The following DCLK3 variants were observed in gnomAD, a reference collection of about 807,000 sequenced individuals.
DCLK3 encodes the protein doublecortin like kinase 3, also known as serine/threonine-protein kinase DCLK3.
A neutral mutation model predicts 46.4 loss-of-function variants in DCLK3; 30 were observed. That is an observed-to-expected ratio of 0.65 (90% CI 0.48 to 0.88). The LOEUF (loss-of-function observed/expected upper bound fraction) is 0.88, where lower values mean the gene tolerates loss of function less well. DCLK3 is among the 40% of genes least tolerant of loss of function. The pLI, the probability that DCLK3 is intolerant of heterozygous loss-of-function variation, is 0.00. For synonymous variants in DCLK3, 401 were observed against 339.2 expected (o/e 1.18, Z -2.00); for missense variants, 846 against 907.1 (o/e 0.93, Z 0.87).
chr3:36,718,579 A>C (rs1329135487), intron 3 of DCLK3, among the ~76,000 whole-genome samples: 1 of 152,256 alleles, frequency 6.6e-6, no homozygotes, highest in Non-Finnish European at 1.5e-5. Context: ...AGTGAGTCAC[A>C]TGTGGCATGA....
chr3:36,719,720 T>G (rs192183939), intron 3 of DCLK3, among the ~76,000 whole-genome samples: 3 of 152,306 alleles, frequency 2.0e-5, no homozygotes, highest in Admixed American at 2.0e-4. Flanking sequence ...CTTCACCTCC[T>G]TGCCAAGTGG....
At position 36,713,459 on chromosome 3, in the gene DCLK3, G is replaced by C. The variant is rs142477074; in HGVS notation, c.*1869C>G. On this transcript the variant is annotated 3_prime_UTR_variant, in exon 5 of 5. Transcript: ENST00000636136. ...GAATCCAGCTTCCAGCCTCTTTCAC[G>C]TGTTCAGAATGAGTCCCATTACACT... 6.6e-6 allele frequency: 1 copy of C among 152,156 alleles called. No homozygotes were observed. The highest frequency in any genetic ancestry group is 1.5e-5 in the Non-Finnish European group (1 of 68,030). The allele number at this position is 152,156 out of a possible 1,614,324, so 9.4% of individuals were successfully genotyped here. A position where few individuals can be genotyped will look rare whatever the true frequency, so the allele number is the denominator to read the frequency against.
chr3:36,716,423 A>G lies in DCLK3; in HGVS notation c.2261-902T>C, dbSNP rs114306222. 4.8e-3 allele frequency among the ~76,000 whole-genome samples: 735 copies of G among 152,116 alleles called. 6 individuals carry two copies. Among genetic ancestry groups the G allele is most frequent in the African/African-American group, 0.017 (698 of 41,492 alleles). ...GCCCAGATTCCTCCTACACCACCCA[A>G]TTCAAGCTGGGAAAATTCTGCCCCA... On this transcript the variant is annotated intron_variant, in intron 4 of 4. Coordinates refer to ENST00000636136, the MANE Select transcript of DCLK3 (RefSeq NM_001394672.2).
At chr3:36,729,320 C>G (rs1036307207) in intron 2 of DCLK3, among the ~76,000 whole-genome samples, 27 of 151,028 alleles carry the variant, frequency 1.8e-4, no homozygotes, top group African/African-American at 6.6e-4. Context: ...CCCTGTATCT[C>G]TTTTGCAGCC....
In DCLK3 at chr3:36,737,234, G is replaced by A. The variant is rs373553939; in HGVS notation, c.1933C>T (p.Arg645Trp). The change falls in exon 2 of 5, where the codon CGG (arginine) becomes TGG (tryptophan). Residue 645 changes from arginine (R) to tryptophan (W), a missense_variant. Physicochemically the swap from Arg to Trp is moderately radical, Grantham distance 101. Transcript: ENST00000636136. This position sits in a 1 kb window ranked among gnomAD's most constrained non-coding sequence, Gnocchi z 4.4. ...VHMHDKSIVH[R>W]DLKPENLLVQ... ...AAAAGGTTTTCCGGCTTGAGGTCCC[G>A]GTGGACAATGCTCTTGTCGTGCATG... 5.6e-6 allele frequency: 9 copies of A among 1,613,454 alleles called. No individual in the cohort carries two copies. Among genetic ancestry groups the A allele is most frequent in the African/African-American group, 1.3e-5 (1 of 74,858 alleles).
intron 1 of DCLK3, among the ~76,000 whole-genome samples, chr3:36,763,329 C>A (rs543495733): frequency 6.6e-6 from 1 of 152,232 alleles, no homozygotes; most frequent in Non-Finnish European, 1.5e-5. Flanking sequence ...ACACTTCCCC[C>A]CTCCCAGCAG....
At position 36,714,602 on chromosome 3, in the gene DCLK3, T is replaced by G. The variant is rs898248009; in HGVS notation, c.*726A>C. ...CACGGTCACAGCCTGAGCGCCTGACTTCACATAGAAATGACTCAGGCTCAG... is the reference window on the plus strand; with the variant it reads ...CACGGTCACAGCCTGAGCGCCTGACGTCACATAGAAATGACTCAGGCTCAG... On this transcript the variant is annotated 3_prime_UTR_variant, in exon 5 of 5. Coordinates refer to ENST00000636136, the MANE Select transcript of DCLK3 (RefSeq NM_001394672.2). The G allele has an allele frequency of 6.6e-6, 1 of 152,218 alleles. No homozygotes were observed. The highest frequency in any genetic ancestry group is 1.5e-5 in the Non-Finnish European group (1 of 68,042). The allele number at this position is 152,218 out of a possible 1,614,324, so 9.4% of individuals were successfully genotyped here.
rs1394108470 is a variant in DCLK3, at chr3:36,741,591, G to A, written c.83-2507C>T. 2.6e-5 allele frequency among the ~76,000 whole-genome samples: 4 copies of A among 152,200 alleles called. No individual in the cohort carries two copies. In the East Asian group the frequency reaches 7.7e-4, roughly 29 times the overall value. On this transcript the variant is annotated intron_variant, in intron 1 of 4. Transcript: ENST00000636136. ...AGAGTGCTAGGAAGACAAGATTTGAGTTGGGTTTTCAACACCTAATGAGGT... is the reference window on the plus strand; with the variant it reads ...AGAGTGCTAGGAAGACAAGATTTGAATTGGGTTTTCAACACCTAATGAGGT...
chr3:36,724,733 A>G (rs1012918079), intron 2 of DCLK3, among the ~76,000 whole-genome samples: 2 of 152,172 alleles, frequency 1.3e-5, no homozygotes, highest in African/African-American at 4.8e-5. Context: ...ATGTGGAACC[A>G]TAAGTCTATT....
chr3:36,764,461 G>A lies in DCLK3; in HGVS notation c.-198C>T, dbSNP rs564876219. The stretch of plus-strand genomic sequence containing the variant: ...GCGCAGCGCCCGGCGACAGCCACCG[G>A]GAACGTCTCCGGGGGCGCGGGACTT... On this transcript the variant is annotated 5_prime_UTR_variant, in exon 1 of 5. Coordinates refer to ENST00000636136, the MANE Select transcript of DCLK3 (RefSeq NM_001394672.2). This position sits in a 1 kb window ranked among gnomAD's most constrained non-coding sequence, Gnocchi z 4.9. 1.2e-3 allele frequency: 198 copies of A among 166,806 alleles called. 2 individuals are homozygous for A. The highest frequency in any genetic ancestry group is 4.5e-3 in the African/African-American group (186 of 41,794). The allele number at this position is 166,806 out of a possible 1,614,324, so 10.3% of individuals were successfully genotyped here.
In DCLK3 at chr3:36,715,452, A is replaced by G; in HGVS notation, c.2330T>C (p.Leu777Pro). 1.2e-6 allele frequency: 2 copies of G among 1,611,894 alleles called. No homozygotes were observed. Among genetic ancestry groups the G allele is most frequent in the Non-Finnish European group, 8.5e-7 (1 of 1,178,980 alleles). The change falls in exon 5 of 5, where the codon CTT (leucine) becomes CCT (proline). Residue 777 changes from leucine (L) to proline (P), a missense_variant. Coordinates refer to ENST00000636136, the MANE Select transcript of DCLK3 (RefSeq NM_001394672.2). ...PKKRYTAHQV[L>P]QHPWIETAGK... is the part of the protein sequence containing the mutation. Reference sequence around the variant, plus strand: ...AGCTGTTTCGATCCAGGGGTGCTGAAGAACCTGATGAGCTGTGTAGCGCTT... The same window carrying G: ...AGCTGTTTCGATCCAGGGGTGCTGAGGAACCTGATGAGCTGTGTAGCGCTT...
Position 36,730,191 on chromosome 3 carries a change from T to TAC in DCLK3, c.1959+7016_1959+7017insGT, listed in dbSNP as rs1465180448. Among the ~76,000 whole-genome samples, 870 of 108,944 alleles carry TAC rather than the reference T, an allele frequency of 8.0e-3. 5 individuals carry two copies. Among genetic ancestry groups the TAC allele is most frequent in the East Asian group, 0.026 (121 of 4,714 alleles). The allele number at this position is 108,944 out of a possible 152,430, so 71.5% of individuals were successfully genotyped here. A position where few individuals can be genotyped will look rare whatever the true frequency, so the allele number is the denominator to read the frequency against. ...TCAAAATATATGTACATACACCATA[T>TAC]ATACACACACACACACACACACACA... On this transcript the variant is annotated intron_variant, in intron 2 of 4. Transcript: ENST00000636136.
intron 1 of DCLK3, among the ~76,000 whole-genome samples, chr3:36,759,133 AT>A (rs1334485575): frequency 1.3e-5 from 2 of 152,198 alleles, no homozygotes. Context: ...ATCTACAAGA[AT>A]TTTTTTCCTT....
chr3:36,733,464 A>T (rs1701223237), intron 2 of DCLK3, among the ~76,000 whole-genome samples: 1 of 152,182 alleles, frequency 6.6e-6, no homozygotes, highest in African/African-American at 2.4e-5. Context: ...TTTGCTGGAT[A>T]TAATCTCTCA....
chr3:36,761,858 C>A (rs1276512279), intron 1 of DCLK3, among the ~76,000 whole-genome samples: 2 of 152,064 alleles, frequency 1.3e-5, no homozygotes, highest in Non-Finnish European at 2.9e-5. Context: ...TTCCACCAGC[C>A]AAAGCAGCCC....
intron 2 of DCLK3, among the ~76,000 whole-genome samples, chr3:36,723,640 G>A (rs183055561): frequency 2.0e-5 from 3 of 152,320 alleles, no homozygotes; most frequent in East Asian, 3.9e-4. Flanking sequence ...CGTAGAGCTC[G>A]AGTTGTGGCT....
intron 2 of DCLK3, among the ~76,000 whole-genome samples, chr3:36,723,619 A>T (rs1701089162): frequency 6.6e-6 from 1 of 152,196 alleles, no homozygotes; most frequent in African/African-American, 2.4e-5. Flanking sequence ...GCCATGGCTG[A>T]AAGGGGCAAA....
At chr3:36,722,615 A>G (rs1297645710) in intron 2 of DCLK3, among the ~76,000 whole-genome samples, 1 of 152,200 alleles carries the variant, frequency 6.6e-6, no homozygotes, top group East Asian at 1.9e-4. Flanking sequence ...TAATTGAATC[A>G]TGGGAGTGGG....
Position 36,737,617 on chromosome 3 carries a change from A to G in DCLK3, c.1550T>C (p.Ile517Thr), listed in dbSNP as rs1329096043. ...SGRKPRPMGI[I>T]AANVEKHYET... The stretch of plus-strand genomic sequence containing the variant: ...ATAATGCTTTTCCACATTGGCGGCA[A>G]TGATGCCCATGGGCCGTGGCTTCCG... Residue 517 changes from isoleucine to threonine, a missense_variant, in exon 2 of 5, where the codon ATT becomes ACT. Around this residue, in one of 3 missense-constraint regions of DCLK3, gnomAD observed 553 missense variants for 543.0 expected, o/e 1.02. Transcript: ENST00000636136. The surrounding 1 kb of genome is among the most constrained non-coding windows in gnomAD (Gnocchi z 4.4). 1 of 1,614,164 alleles carries G rather than the reference A, an allele frequency of 6.2e-7. No homozygotes were observed. The highest frequency in any genetic ancestry group is 8.5e-7 in the Non-Finnish European group (1 of 1,180,026).
Sources: gnomAD v4.1 joint callset for allele counts (sites outside exome capture counted in the v4.1 genomes callset) on GRCh38, gnomAD v4.1.1 for gene constraint, gnomAD v4.1.1 regional missense constraint, Gnocchi (gnomAD v3.1) non-coding constraint, MANE v1.5 for transcripts, NCBI Gene and HGNC (gene_info 2026-07-23, HGNC 2026-07-21) for gene names.